The following SLC15A1 variants were observed in gnomAD, a reference collection of about 807,000 sequenced individuals.
The protein encoded by SLC15A1 is Caco-2 oligopeptide transporter.
In SLC15A1, 83 loss-of-function variants were observed where a neutral mutation model predicts 92.9. The observed-to-expected ratio is 0.89, with a 90% CI of 0.75 to 1.07. SLC15A1 has a LOEUF of 1.07. Among genes scored for constraint, SLC15A1 ranks in the 50% least tolerant of loss-of-function variants. The probability of loss-of-function intolerance (pLI) is 0.00; values close to 1 mark genes in which losing one functional copy is unlikely to be tolerated. For synonymous variants in SLC15A1, 322 were observed against 318.2 expected (o/e 1.01, Z -0.13); for missense variants, 857 against 880.1 (o/e 0.97, Z 0.33).
intron 17 of SLC15A1, among the ~76,000 whole-genome samples, chr13:98,703,539 CTTTTTTTTTTTTT>C (rs771426478): frequency 1.9e-4 from 16 of 85,532 alleles, no homozygotes; most frequent in East Asian, 1.5e-3. Context: ...GCTGCTGCTG[CTTTTTTTTTTTTT>C]TTTTTTTTTT....
intron 1 of SLC15A1, among the ~76,000 whole-genome samples, chr13:98,745,161 A>G (rs2088482813): frequency 6.6e-6 from 1 of 152,148 alleles, no homozygotes; most frequent in Admixed American, 6.5e-5. Flanking sequence ...CCTGTTTTCT[A>G]CGTACCAACT....
rs1448836812 is a variant in SLC15A1 at position 98,752,581 on chromosome 13, C to T, written c.4+14G>A. The T allele has an allele frequency of 8.7e-6, 11 of 1,259,564 alleles. No homozygotes were observed. Among genetic ancestry groups the T allele is most frequent in the African/African-American group, 4.7e-5 (3 of 64,436 alleles). 78.0% of individuals were successfully genotyped at this position (1,259,564 alleles called of 1,614,324 possible). A position where few individuals can be genotyped will look rare whatever the true frequency, so the allele number is the denominator to read the frequency against. On this transcript the variant is annotated intron_variant, in intron 1 of 22. Coordinates refer to ENST00000376503, the MANE Select transcript of SLC15A1 (RefSeq NM_005073.4). ...AGTCTTTAGCCCGGCCGGCCCCCCA[C>T]CCGCCGAGCGTACCCATGGCGGCGG...
At position 98,684,467 on chromosome 13, in the gene SLC15A1, C is replaced by T. The variant is rs1164304210; in HGVS notation, c.*257G>A. On this transcript the variant is annotated 3_prime_UTR_variant, in exon 23 of 23. Coordinates refer to ENST00000376503, the MANE Select transcript of SLC15A1 (RefSeq NM_005073.4). ...GGCTGAGGCAGGAGAATTACTTGAA[C>T]CTGGGAGGCGGAGGTTGCAGTGAGC... 5.5e-5 allele frequency: 15 copies of T among 273,894 alleles called. No individual in the cohort carries two copies. Among genetic ancestry groups the T allele is most frequent in the Non-Finnish European group, 8.7e-5 (13 of 148,782 alleles). The allele number at this position is 273,894 out of a possible 1,614,324, so 17.0% of individuals were successfully genotyped here. A position where few individuals can be genotyped will look rare whatever the true frequency, so the allele number is the denominator to read the frequency against.
intron 1 of SLC15A1, among the ~76,000 whole-genome samples, chr13:98,747,427 C>T (rs1346191200): frequency 6.6e-6 from 1 of 152,164 alleles, no homozygotes; most frequent in African/African-American, 2.4e-5. Flanking sequence ...AAGTTCTACA[C>T]CAGGCCCCCA....
At chr13:98,700,484 CAAAAA>C (rs56342746) in intron 18 of SLC15A1, among the ~76,000 whole-genome samples, 1 of 50,908 alleles carries the variant, frequency 2.0e-5, no homozygotes, top group Non-Finnish European at 3.2e-5. Context: ...GACCCTGTCT[CAAAAA>C]AAAAAAAAAA....
intron 9 of SLC15A1, among the ~76,000 whole-genome samples, 182 bp from the exon 10 acceptor site, chr13:98,712,766 T>C (rs1457226636): frequency 6.6e-6 from 1 of 152,220 alleles, no homozygotes; most frequent in Non-Finnish European, 1.5e-5. Context: ...CTAAGAGCGT[T>C]TGAGTTGGGG....
chr13:98,745,448 A>G (rs187735116), intron 1 of SLC15A1, among the ~76,000 whole-genome samples: 1 of 152,256 alleles, frequency 6.6e-6, no homozygotes, highest in Admixed American at 6.5e-5. Flanking sequence ...ACTTGACCTT[A>G]TTTGGAAATA....
intron 7 of SLC15A1, 40 bp downstream of exon 7, chr13:98,721,455 A>G: frequency 1.4e-6 from 2 of 1,427,316 alleles, no homozygotes; most frequent in East Asian, 2.3e-5. Flanking sequence ...TGGCCTTACT[A>G]AAAAAAGACC....
intron 18 of SLC15A1, among the ~76,000 whole-genome samples, chr13:98,696,188 C>T (rs931470489): frequency 3.3e-5 from 5 of 151,282 alleles, no homozygotes; most frequent in African/African-American, 9.7e-5. Context: ...CTGAGGTGGG[C>T]GGATCACTTG....
chr13:98,718,713 C>T (rs563434584), intron 8 of SLC15A1, among the ~76,000 whole-genome samples: 11 of 152,212 alleles, frequency 7.2e-5, no homozygotes, highest in African/African-American at 2.4e-4. Context: ...GGAGGCAGAG[C>T]CAGGAGAATC....
chr13:98,689,184 C>T (rs1305772445), intron 18 of SLC15A1, among the ~76,000 whole-genome samples: 1 of 152,208 alleles, frequency 6.6e-6, no homozygotes, highest in African/African-American at 2.4e-5. Context: ...AGACGATCTG[C>T]CCACCTCGGC....
intron 5 of SLC15A1, among the ~76,000 whole-genome samples, chr13:98,723,139 A>G (rs139315673): frequency 8.3e-4 from 127 of 152,222 alleles, no homozygotes; most frequent in African/African-American, 2.5e-3. Context: ...CACCTCCCCA[A>G]GGCCACAGAG....
intron 1 of SLC15A1, among the ~76,000 whole-genome samples, chr13:98,746,270 A>G (rs2088492266): frequency 6.6e-6 from 1 of 152,072 alleles, no homozygotes; most frequent in Admixed American, 6.6e-5. Flanking sequence ...TTAGTCTATC[A>G]TTGACAGGTA....
At chr13:98,685,647 C>A (rs1262376387) in intron 22 of SLC15A1, among the ~76,000 whole-genome samples, 10 of 152,156 alleles carry the variant, frequency 6.6e-5, no homozygotes, top group Admixed American at 6.5e-4. Flanking sequence ...TTAACCCATT[C>A]CAGCTATTTT....
chr13:98,686,466 C>T (rs1195845100), intron 21 of SLC15A1, among the ~76,000 whole-genome samples, 169 bp from the exon 22 acceptor site: 1 of 152,218 alleles, frequency 6.6e-6, no homozygotes. Context: ...GACACCCAAA[C>T]ATGCACAGAC....
intron 1 of SLC15A1, among the ~76,000 whole-genome samples, chr13:98,750,991 G>A (rs1240787289): frequency 6.6e-6 from 1 of 151,912 alleles, no homozygotes; most frequent in African/African-American, 2.4e-5. Context: ...CTGACCTCAG[G>A]TGATCCACCT....
intron 18 of SLC15A1, among the ~76,000 whole-genome samples, chr13:98,689,191 C>G (rs937657542): frequency 3.1e-4 from 47 of 152,356 alleles, no homozygotes; most frequent in African/African-American, 1.1e-3. Context: ...CTGCCCACCT[C>G]GGCCTCCCAA....
chr13:98,707,891 TAAAAAAAA>T (rs745924829), intron 15 of SLC15A1, among the ~76,000 whole-genome samples: 19 of 106,844 alleles, frequency 1.8e-4, no homozygotes, highest in African/African-American at 6.3e-4. Context: ...AGACCCTGTT[TAAAAAAAA>T]AAAAAAAAAA....
intron 1 of SLC15A1, among the ~76,000 whole-genome samples, chr13:98,746,651 T>C (rs951864161): frequency 6.6e-6 from 1 of 152,230 alleles, no homozygotes; most frequent in Non-Finnish European, 1.5e-5. Flanking sequence ...AATGCCTAGT[T>C]TGAGAACTTT....
Sources: allele counts gnomAD v4.1 joint callset (sites outside exome capture counted in the v4.1 genomes callset), GRCh38; gene constraint gnomAD v4.1.1; transcripts MANE v1.5; gene names NCBI Gene and HGNC (gene_info 2026-07-23, HGNC 2026-07-21).